Variants in MCAM observed in about 807,000 individuals in gnomAD.
The protein encoded by MCAM is cell surface glycoprotein MUC18.
MCAM carries 55 observed loss-of-function variants against 79.1 expected under a neutral mutation model. The observed-to-expected ratio is 0.70, with a 90% CI of 0.56 to 0.87. MCAM has a LOEUF of 0.87. Among genes scored for constraint, MCAM ranks in the 40% least tolerant of loss-of-function variants. The pLI is 0.00. For missense variants in MCAM, 745 were observed against 839.8 expected, an observed-to-expected ratio of 0.89 and a Z score of 1.40; for synonymous variants, 330 against 339.8, an observed-to-expected ratio of 0.97 and a Z score of 0.32.
intron 4 of MCAM, 42 bp from the exon 5 acceptor site, chr11:119,314,618 C>A (rs1235804388): frequency 1.2e-6 from 2 of 1,611,974 alleles, no homozygotes; most frequent in Non-Finnish European, 1.7e-6. Context: ...TCCGAGCCCC[C>A]TTCAAGCCCC....
chr11:119,315,405 C>A lies in MCAM; in HGVS notation c.68-142G>T, dbSNP rs1024744314. On this transcript the variant is annotated intron_variant, in intron 1 of 15. Coordinates refer to ENST00000264036, the MANE Select transcript of MCAM (RefSeq NM_006500.3). This position sits in a 1 kb window ranked among gnomAD's most constrained non-coding sequence, Gnocchi z 4.4. ...CTGTCCTCTGAACGCTCTACCCCCA[C>A]CCCGACCCGCGCCCCACCTGGGCCA... The A allele has an allele frequency of 9.1e-7, 1 of 1,096,578 alleles. No individual in the cohort carries two copies. The highest frequency in any genetic ancestry group is 1.3e-6 in the Non-Finnish European group (1 of 783,600). The allele number at this position is 1,096,578 out of a possible 1,614,324, so 67.9% of individuals were successfully genotyped here. A position where few individuals can be genotyped will look rare whatever the true frequency, so the allele number is the denominator to read the frequency against.
At position 119,311,639 on chromosome 11, in the gene MCAM, A is replaced by G. The variant is rs1315186457; in HGVS notation, c.1298T>C (p.Met433Thr). Residue 433 changes from methionine to threonine, a missense_variant, in exon 11 of 16, where the codon ATG (methionine) becomes ACG (threonine). Coordinates refer to ENST00000264036, the MANE Select transcript of MCAM (RefSeq NM_006500.3). This position sits in a 1 kb window ranked among gnomAD's most constrained non-coding sequence, Gnocchi z 4.4. ...VNVAIFGPPW[M>T]AFKERKVWVK... ...CCACACCTTCCTCTCCTTGAATGCC[A>G]TCCAAGGGGGGCCTTGGGGAGGTAG... 6.2e-7 allele frequency: 1 copy of G among 1,614,106 alleles called. No homozygotes were observed. The highest frequency in any genetic ancestry group is 8.5e-7 in the Non-Finnish European group (1 of 1,180,000).
At chr11:119,310,999 T>C in intron 13 of MCAM, 91 bp downstream of exon 13, 2 of 1,613,856 alleles carry the variant, frequency 1.2e-6, no homozygotes, top group Non-Finnish European at 1.7e-6. Flanking sequence ...ATGGGGCTGC[T>C]ACTCACCTTT....
At chr11:119,310,639 C>T in intron 14 of MCAM, 117 bp downstream of exon 14, 1 of 1,207,980 alleles carries the variant, frequency 8.3e-7, no homozygotes, top group Non-Finnish European at 1.2e-6. Flanking sequence ...GGTAGTGGAG[C>T]AGGCAGCACC....
chr11:119,312,088 ACT>A lies in MCAM; in HGVS notation c.1105_1106del (p.Ser369Ter), dbSNP rs1372690304. 2 of 1,612,242 alleles carry A rather than the reference ACT, an allele frequency of 1.2e-6. No individual in the cohort carries two copies. Among genetic ancestry groups the A allele is most frequent in the East Asian group, 4.5e-5 (2 of 44,800 alleles). ...GCCACTGGAACTCGAGGTCCTGGCT[ACT>A]CTCTGCCTCACAGGTCAGGGTGAGG... ...SSLTLTCEAE[S>X]SQDLEFQWLR... is the part of the protein sequence containing the mutation. On this transcript the variant is annotated frameshift_variant, in exon 9 of 16. Coordinates refer to ENST00000264036, the MANE Select transcript of MCAM (RefSeq NM_006500.3). LOFTEE classifies it high-confidence loss of function. This position sits in a 1 kb window ranked among gnomAD's most constrained non-coding sequence, Gnocchi z 4.9.
chr11:119,314,636 C>T (rs1019070743), intron 4 of MCAM, 43 bp downstream of exon 4: 3 of 1,611,370 alleles, frequency 1.9e-6, no homozygotes, highest in East Asian at 2.2e-5. Context: ...CCCATCTCAG[C>T]GGCTGCGCAC....
In MCAM at chr11:119,311,035, CAG is replaced by C; in HGVS notation, c.1645+53_1645+54del. 1 of 1,614,148 alleles carries C rather than the reference CAG, an allele frequency of 6.2e-7. No homozygotes were observed. Among genetic ancestry groups the C allele is most frequent in the Non-Finnish European group, 8.5e-7 (1 of 1,180,000 alleles). On this transcript the variant is annotated intron_variant, in intron 13 of 15. Transcript: ENST00000264036. This position sits in a 1 kb window ranked among gnomAD's most constrained non-coding sequence, Gnocchi z 4.4. ...CTGGACAGGGCTCTCTGGGGAGGGA[CAG>C]GGCAGAAAGGATGCCCTGGCACAGC... is the stretch of plus-strand genomic sequence containing the variant.
At position 119,309,859 on chromosome 11, in the gene MCAM, AG is replaced by A; in HGVS notation, c.*26del. The A allele has an allele frequency of 1.3e-6, 2 of 1,591,904 alleles. No homozygotes were observed. The highest frequency in any genetic ancestry group is 1.7e-6 in the Non-Finnish European group (2 of 1,167,604). On this transcript the variant is annotated 3_prime_UTR_variant, in exon 16 of 16. Transcript: ENST00000264036. ...GCAGGGAGCTGGGAATGGTCCAGGC[AG>A]GGAAGGGAGCTGAAGTGATTCGGGG...
In MCAM at chr11:119,311,107, G is replaced by A. The variant is rs544761038; in HGVS notation, c.1628C>T (p.Ala543Val). 256 of 1,614,248 alleles carry A rather than the reference G, an allele frequency of 1.6e-4. 2 individuals carry two copies. The South Asian group carries it at 2.8e-3, about 17-fold the overall frequency. ...STSTASPHTR[A>V]NSTSTERKLP... ...TGGCTTACCTGTGGAGGTGCTGTTG[G>A]CTCTGGTATGAGGACTGGCAGTGGA... The change falls in exon 13 of 16, where the codon GCC (alanine) becomes GTC (valine). Residue 543 changes from alanine to valine, a missense_variant. Ala to Val is a moderately conservative substitution (Grantham distance 64). Coordinates refer to ENST00000264036, the MANE Select transcript of MCAM (RefSeq NM_006500.3). The surrounding 1 kb of genome is among the most constrained non-coding windows in gnomAD (Gnocchi z 4.4).
chr11:119,311,979 G>A lies in MCAM; in HGVS notation c.1144-30C>T. 3.1e-6 allele frequency: 5 copies of A among 1,612,466 alleles called. No individual in the cohort carries two copies. Among genetic ancestry groups the A allele is most frequent in the Non-Finnish European group, 4.2e-6 (5 of 1,179,542 alleles). ...GATGAGAGATGGGTCAGAGGGTCTG[G>A]GAAAGAGCACATTCTTGTCACCGCC... On this transcript the variant is annotated intron_variant, in intron 9 of 15. Transcript: ENST00000264036. The surrounding 1 kb of genome is among the most constrained non-coding windows in gnomAD (Gnocchi z 4.4).
chr11:119,308,894 C>G lies in MCAM; in HGVS notation c.*992G>C, dbSNP rs1950180895. The G allele has an allele frequency of 6.6e-6, 1 of 152,228 alleles. No homozygotes were observed. Among genetic ancestry groups the G allele is most frequent in the Admixed American group, 6.5e-5 (1 of 15,288 alleles). 9.4% of individuals were successfully genotyped at this position (152,228 alleles called of 1,614,324 possible). On this transcript the variant is annotated 3_prime_UTR_variant, in exon 16 of 16. Coordinates refer to ENST00000264036, the MANE Select transcript of MCAM (RefSeq NM_006500.3). ...GATCCATCAAGAGGGCTATGGGAGC[C>G]AAGTGAACACGGGGGATTGAGGCTA...
chr11:119,309,241 G>A lies in MCAM; in HGVS notation c.*645C>T, dbSNP rs1950190410. 1.3e-5 allele frequency: 2 copies of A among 152,752 alleles called. No homozygotes were observed. The highest frequency in any genetic ancestry group is 2.1e-4 in the South Asian group (1 of 4,848). 9.5% of individuals were successfully genotyped at this position (152,752 alleles called of 1,614,324 possible). A position where few individuals can be genotyped will look rare whatever the true frequency, so the allele number is the denominator to read the frequency against. On this transcript the variant is annotated 3_prime_UTR_variant, in exon 16 of 16. Coordinates refer to ENST00000264036, the MANE Select transcript of MCAM (RefSeq NM_006500.3). ...CCGCCTCGGCCTCCCAAAGTGCTGGGATTACAGGCGTGAGCCACCACACCT... is the reference window on the plus strand; with the variant it reads ...CCGCCTCGGCCTCCCAAAGTGCTGGAATTACAGGCGTGAGCCACCACACCT...
chr11:119,311,245 G>A lies in MCAM; in HGVS notation c.1549+35C>T, dbSNP rs777577978. On this transcript the variant is annotated intron_variant, in intron 12 of 15. Transcript: ENST00000264036. The surrounding 1 kb of genome is among the most constrained non-coding windows in gnomAD (Gnocchi z 4.4). ...CAAGTTACTGCCCGTGCCTGGGCCT[G>A]CCCCTGCCATCCCCTGCAGGGATGC... The A allele has an allele frequency of 6.2e-7, 1 of 1,613,430 alleles. No homozygotes were observed. Among genetic ancestry groups the A allele is most frequent in the Non-Finnish European group, 8.5e-7 (1 of 1,179,388 alleles).
In MCAM at chr11:119,311,493, G is replaced by A; in HGVS notation, c.1407+37C>T. 6.2e-7 allele frequency: 1 copy of A among 1,614,028 alleles called. No homozygotes were observed. On this transcript the variant is annotated intron_variant, in intron 11 of 15. Transcript: ENST00000264036. The surrounding 1 kb of genome is among the most constrained non-coding windows in gnomAD (Gnocchi z 4.4). ...GGTCCTGGCCACAAAGCGCAGGCAG[G>A]GATTAGGAGAGTGTGGCAGATGAGA...
At position 119,311,781 on chromosome 11, in the gene MCAM, G is replaced by C. The variant is rs756482022; in HGVS notation, c.1285+27C>G. The C allele has an allele frequency of 6.2e-7, 1 of 1,613,254 alleles. No individual in the cohort carries two copies. Among genetic ancestry groups the C allele is most frequent in the Non-Finnish European group, 8.5e-7 (1 of 1,179,576 alleles). ...AAAACCACCCCACTTGGGGTGACCT[G>C]GTCTCTACCCAGAGGGAGGGCCTCA... On this transcript the variant is annotated intron_variant, in intron 10 of 15. Transcript: ENST00000264036. This position sits in a 1 kb window ranked among gnomAD's most constrained non-coding sequence, Gnocchi z 4.4.
intron 5 of MCAM, chr11:119,313,159 T>C (rs1393432063): frequency 6.6e-7 from 1 of 1,518,086 alleles, no homozygotes; most frequent in Non-Finnish European, 8.8e-7. Context: ...TCTGCTCATA[T>C]CCAAGGATGT....
intron 5 of MCAM, chr11:119,313,485 C>G (rs993610952): frequency 2.4e-6 from 1 of 420,686 alleles, no homozygotes; most frequent in Non-Finnish European, 4.1e-6. Flanking sequence ...GCAACCTCCA[C>G]CTCCCTCCCG....
At position 119,316,762 on chromosome 11, in the gene MCAM, C is replaced by T; in HGVS notation, c.67+273G>A. On this transcript the variant is annotated intron_variant, in intron 1 of 15. Transcript: ENST00000264036. The surrounding 1 kb of genome is among the most constrained non-coding windows in gnomAD (Gnocchi z 4.8). Reference sequence around the variant, plus strand: ...CAGGGACCACCCACCCCCCAGCACCCCGAAAGGCTGAGCTCCACCCCTTCT... The same window carrying T: ...CAGGGACCACCCACCCCCCAGCACCTCGAAAGGCTGAGCTCCACCCCTTCT... 2.1e-6 allele frequency: 1 copy of T among 465,528 alleles called. No individual in the cohort carries two copies. The highest frequency in any genetic ancestry group is 3.8e-6 in the Non-Finnish European group (1 of 259,974). 28.8% of individuals were successfully genotyped at this position (465,528 alleles called of 1,614,324 possible). A position where few individuals can be genotyped will look rare whatever the true frequency, so the allele number is the denominator to read the frequency against.
chr11:119,310,629 G>T, intron 14 of MCAM, 127 bp downstream of exon 14: 2 of 1,152,158 alleles, frequency 1.7e-6, no homozygotes, highest in Non-Finnish European at 2.5e-6. Flanking sequence ...CTGGGCAGTG[G>T]GTAGTGGAGC....
Sources: gnomAD v4.1 joint callset for allele counts on GRCh38, gnomAD v4.1.1 for gene constraint, Gnocchi (gnomAD v3.1) non-coding constraint, MANE v1.5 for transcripts, NCBI Gene and HGNC (gene_info 2026-07-23, HGNC 2026-07-21) for gene names.